The following NOS1 variants were observed in gnomAD, a reference collection of about 807,000 sequenced individuals.
NOS1 encodes the protein nitric oxide synthase 1.
A neutral mutation model predicts 164.5 loss-of-function variants in NOS1; 51 were observed. The observed-to-expected ratio is 0.31, with a 90% confidence interval of 0.25 to 0.39. The LOEUF is 0.39. Ranked by LOEUF, NOS1 falls within the 10% of genes least tolerant of loss-of-function variation. The pLI, the probability that NOS1 is intolerant of heterozygous loss-of-function variation, is 1.00. For synonymous variants in NOS1, 719 were observed against 745.8 expected, an observed-to-expected ratio of 0.96 and a Z score of 0.59; for missense variants, 1,362 against 1,885.6, an observed-to-expected ratio of 0.72 and a Z score of 5.14.
At chr12:117,231,826 G>T in intron 22 of NOS1, 136 bp downstream of exon 22, 1 of 933,616 alleles carries the variant, frequency 1.1e-6, no homozygotes, top group Non-Finnish European at 1.6e-6. Context: ...AGCCAATATG[G>T]CAATCTACAG....
chr12:117,261,424 A>G (rs1245534219), intron 13 of NOS1, among the ~76,000 whole-genome samples: 3 of 152,138 alleles, frequency 2.0e-5, no homozygotes, highest in South Asian at 2.1e-4. Flanking sequence ...GAACATAGCT[A>G]TGGAATGCAG....
At position 117,285,350 on chromosome 12, in the gene NOS1, C is replaced by G. The variant is rs374866819; in HGVS notation, c.1291-18G>C. The G allele has an allele frequency of 6.4e-7, 1 of 1,569,978 alleles. No homozygotes were observed. The highest frequency in any genetic ancestry group is 8.7e-7 in the Non-Finnish European group (1 of 1,145,092). On this transcript the variant is annotated intron_variant, in intron 6 of 28. Transcript: ENST00000317775. ...TCGAATACCTGGAAGAGGCACAGGG[C>G]GGAACTGATTGCCTCTTCTTTCCCT...
rs1003466627 is a variant in NOS1, at chr12:117,208,525, C to T, written c.*6784G>A. 5 of 1,222,970 alleles carry T rather than the reference C, an allele frequency of 4.1e-6. No individual in the cohort carries two copies. In the Admixed American group the frequency reaches 1.1e-4, roughly 27 times the overall value. 75.8% of individuals were successfully genotyped at this position (1,222,970 alleles called of 1,614,324 possible). A position where few individuals can be genotyped will look rare whatever the true frequency, so the allele number is the denominator to read the frequency against. On this transcript the variant is annotated 3_prime_UTR_variant, in exon 29 of 29. Transcript: ENST00000317775. ...CCGCTCTTTGGGCCTTCTGGAAAAC[C>T]ACTGCTGAGCCAGGAGTGTGAGTCT...
rs1449777659 is a variant in NOS1, at chr12:117,267,983, T to C, written c.1941+60A>G. 1.1e-5 allele frequency: 13 copies of C among 1,196,130 alleles called. No homozygotes were observed. The East Asian group carries it at 3.0e-4, about 28-fold the overall frequency. The allele number at this position is 1,196,130 out of a possible 1,614,324, so 74.1% of individuals were successfully genotyped here. On this transcript the variant is annotated intron_variant, in intron 11 of 28. Transcript: ENST00000317775. ...GTCTCTTGATCCTCTGCATCAAGGC[T>C]CTGAAAGGTTTGAACTCTCATTTGA...
chr12:117,210,062 T>C lies in NOS1; in HGVS notation c.*5247A>G, dbSNP rs560729411. On this transcript the variant is annotated 3_prime_UTR_variant, in exon 29 of 29. Transcript: ENST00000317775. ...ATCCTAGCTCACTGTCGCCTCAAAC[T>C]CCTGGGACCAAGTGATCCTCCTGCC... 70 of 853,814 alleles carry C rather than the reference T, an allele frequency of 8.2e-5. No homozygotes were observed. Among genetic ancestry groups the C allele is most frequent in the Middle Eastern group, 6.1e-4 (1 of 1,650 alleles). 52.9% of individuals were successfully genotyped at this position (853,814 alleles called of 1,614,324 possible). A position where few individuals can be genotyped will look rare whatever the true frequency, so the allele number is the denominator to read the frequency against.
chr12:117,353,534 G>A (rs1289716736), intron 1 of NOS1, among the ~76,000 whole-genome samples: 2 of 152,184 alleles, frequency 1.3e-5, no homozygotes, highest in African/African-American at 4.8e-5. Flanking sequence ...CAAATACTCA[G>A]TTAAGGTTGT....
In NOS1 at chr12:117,258,584, G is replaced by A. The variant is rs9658434; in HGVS notation, c.2473-129C>T. The A allele has an allele frequency of 4.7e-3, 4,144 of 882,238 alleles. 122 individuals are homozygous for A. In the African/African-American group the frequency reaches 0.058, roughly 12 times the overall value. 54.7% of individuals were successfully genotyped at this position (882,238 alleles called of 1,614,324 possible). On this transcript the variant is annotated intron_variant, in intron 15 of 28. Coordinates refer to ENST00000317775, the MANE Select transcript of NOS1 (RefSeq NM_000620.5). ...GCCCGGAGGCCAGGATGTCAGGAGC[G>A]GTCAGGGGCTCAGGCTGGACAGTAA...
intron 2 of NOS1, among the ~76,000 whole-genome samples, chr12:117,324,313 G>T (rs535248626): frequency 7.3e-4 from 111 of 152,322 alleles, no homozygotes; most frequent in African/African-American, 2.5e-3. Flanking sequence ...GGTTATCAGA[G>T]CAGGGCGAGG....
At chr12:117,232,606 G>A (rs770167354) in intron 21 of NOS1, among the ~76,000 whole-genome samples, 1 of 152,058 alleles carries the variant, frequency 6.6e-6, no homozygotes, top group Non-Finnish European at 1.5e-5. Flanking sequence ...CCAAGACAGT[G>A]TTATTCTTCT....
chr12:117,273,433 GT>G (rs748665914), intron 9 of NOS1, among the ~76,000 whole-genome samples: 142 of 152,286 alleles, frequency 9.3e-4, no homozygotes, highest in Middle Eastern at 3.4e-3. Flanking sequence ...TGGGACTAGG[GT>G]GAGGCAGGTG....
intron 17 of NOS1, 142 bp from the exon 18 acceptor site, chr12:117,247,664 C>T (rs1870734871): frequency 3.0e-6 from 2 of 671,108 alleles, no homozygotes; most frequent in South Asian, 4.9e-5. Context: ...TGAGATAGGG[C>T]CTTTAAGGGG....
At position 117,311,499 on chromosome 12, in the gene NOS1, G is replaced by A. The variant is rs369890513; in HGVS notation, c.819C>T (p.Val273=). The change falls in exon 3 of 29, where the codon GTC becomes GTT. Residue 273 remains valine (V), a synonymous_variant. Coordinates refer to ENST00000317775, the MANE Select transcript of NOS1 (RefSeq NM_000620.5). ...NDLWGKGNVP[V]VLNNPYSEKE... is the part of the protein sequence containing the mutation. ...TCTCTGAATATGGGTTGTTGAGGAC[G>A]ACAGGCACATTGCCCTTCCCCCATA... 1.6e-5 allele frequency: 25 copies of A among 1,612,052 alleles called. No individual in the cohort carries two copies. Among genetic ancestry groups the A allele is most frequent in the Admixed American group, 5.0e-5 (3 of 59,768 alleles).
intron 9 of NOS1, 100 bp downstream of exon 9, chr12:117,277,859 G>A (rs1475231068): frequency 4.4e-6 from 6 of 1,366,966 alleles, no homozygotes; most frequent in South Asian, 4.4e-5. Context: ...TTTCAGCTTC[G>A]GTCTGGACTA....
chr12:117,210,984 T>A lies in NOS1; in HGVS notation c.*4325A>T. 1.1e-6 allele frequency: 1 copy of A among 930,622 alleles called. No homozygotes were observed. The highest frequency in any genetic ancestry group is 1.3e-6 in the Non-Finnish European group (1 of 780,374). 57.6% of individuals were successfully genotyped at this position (930,622 alleles called of 1,614,324 possible). A position where few individuals can be genotyped will look rare whatever the true frequency, so the allele number is the denominator to read the frequency against. ...TATTTTATTTTTTTTGAGATAAGAG[T>A]CTTGCTCTGTCACCCAGGCTGGAGT... is the stretch of plus-strand genomic sequence containing the variant. On this transcript the variant is annotated 3_prime_UTR_variant, in exon 29 of 29. Coordinates refer to ENST00000317775, the MANE Select transcript of NOS1 (RefSeq NM_000620.5).
chr12:117,322,797 C>T (rs1566075879), intron 2 of NOS1, among the ~76,000 whole-genome samples: 2 of 142,616 alleles, frequency 1.4e-5, no homozygotes, highest in African/African-American at 5.2e-5. Flanking sequence ...TTCCTTCCTT[C>T]CCTCCTTCCC....
chr12:117,213,900 G>A lies in NOS1; in HGVS notation c.*1409C>T, dbSNP rs1956564821. On this transcript the variant is annotated 3_prime_UTR_variant, in exon 29 of 29. Coordinates refer to ENST00000317775, the MANE Select transcript of NOS1 (RefSeq NM_000620.5). ...TCTGAGAGAGTAAATTCAACAGGTT[G>A]CCTCTTAGGGAGGAATTACACCGGC... 3.1e-5 allele frequency: 31 copies of A among 985,428 alleles called. No individual in the cohort carries two copies. The highest frequency in any genetic ancestry group is 3.7e-5 in the Non-Finnish European group (31 of 829,922). The allele number at this position is 985,428 out of a possible 1,614,324, so 61.0% of individuals were successfully genotyped here. A position where few individuals can be genotyped will look rare whatever the true frequency, so the allele number is the denominator to read the frequency against.
Position 117,215,218 on chromosome 12 carries a change from G to A in NOS1, c.*91C>T. 3 of 1,398,374 alleles carry A rather than the reference G, an allele frequency of 2.1e-6. No individual in the cohort carries two copies. Among genetic ancestry groups the A allele is most frequent in the Non-Finnish European group, 2.8e-6 (3 of 1,065,790 alleles). 86.6% of individuals were successfully genotyped at this position (1,398,374 alleles called of 1,614,324 possible). On this transcript the variant is annotated 3_prime_UTR_variant, in exon 29 of 29. Transcript: ENST00000317775. ...GGCACAGCGACAAGGACAGGAGGCA[G>A]AGCGAGGGCCACAGGGGGTCCCAGA...
At position 117,264,052 on chromosome 12, in the gene NOS1, C is replaced by T. The variant is rs1285748593; in HGVS notation, c.2137-78G>A. 4.4e-6 allele frequency: 5 copies of T among 1,131,372 alleles called. No homozygotes were observed. In the African/African-American group the frequency reaches 4.7e-5, roughly 11 times the overall value. 70.1% of individuals were successfully genotyped at this position (1,131,372 alleles called of 1,614,324 possible). ...TTCCTGTTGGGGATGCTCAGGACCA[C>T]CTGGGACTTGTGACTGCCTGACCCT... On this transcript the variant is annotated intron_variant, in intron 12 of 28. Coordinates refer to ENST00000317775, the MANE Select transcript of NOS1 (RefSeq NM_000620.5).
chr12:117,215,441 T>TC (rs1956591796), intron 28 of NOS1, 117 bp from the exon 29 acceptor site: 1 of 1,071,850 alleles, frequency 9.3e-7, no homozygotes, highest in East Asian at 3.4e-5. Flanking sequence ...TCTCTTTCTT[T>TC]TTTTTTTTTT....
Sources: gnomAD v4.1 joint callset for allele counts (sites outside exome capture counted in the v4.1 genomes callset) on GRCh38, gnomAD v4.1.1 for gene constraint, MANE v1.5 for transcripts, NCBI Gene and HGNC (gene_info 2026-07-23, HGNC 2026-07-21) for gene names.